The following PARD3B variants were observed in gnomAD, a reference collection of about 807,000 sequenced individuals.
PARD3B encodes the protein partitioning defective 3 homolog B.
Under a neutral mutation model 130.2 loss-of-function variants are expected in PARD3B, and 103 were observed. That is an observed-to-expected ratio of 0.79 (90% CI 0.67 to 0.93). The LOEUF (loss-of-function observed/expected upper bound fraction) is 0.93, where lower values mean the gene tolerates loss of function less well. Ranked by LOEUF, PARD3B falls within the 40% of genes least tolerant of loss-of-function variation. PARD3B has a pLI of 0.00. For synonymous variants in PARD3B, 583 were observed against 553.2 expected, an observed-to-expected ratio of 1.05 and a Z score of -0.76; for missense variants, 1,609 against 1,499.2, an observed-to-expected ratio of 1.07 and a Z score of -1.21.
intron 18 of PARD3B, among the ~76,000 whole-genome samples, chr2:205,370,356 A>G (rs1358800682): frequency 6.6e-6 from 1 of 152,242 alleles, no homozygotes; most frequent in Non-Finnish European, 1.5e-5. Flanking sequence ...ACAGAATAGG[A>G]AGGTTGTAAT....
chr2:205,388,213 C>T lies in PARD3B; in HGVS notation c.2631-12800C>T, dbSNP rs79181061. Among the ~76,000 whole-genome samples the T allele has an allele frequency of 9.8e-3, 1,491 of 152,202 alleles. 29 individuals carry two copies. Among genetic ancestry groups the T allele is most frequent in the African/African-American group, 0.033 (1,383 of 41,520 alleles). On this transcript the variant is annotated intron_variant, in intron 18 of 22. Transcript: ENST00000406610. Reference sequence around the variant, plus strand: ...ATATATACACAACAATTCCTAGCACCGGTTTCTTTTGTTATTCTGTGAGAA... The same window carrying T: ...ATATATACACAACAATTCCTAGCACTGGTTTCTTTTGTTATTCTGTGAGAA...
rs897459290 is a variant in PARD3B, at chr2:205,300,986, G to A, written c.2392+250G>A. Among the ~76,000 whole-genome samples, 28 of 152,158 alleles carry A rather than the reference G, an allele frequency of 1.8e-4. No individual in the cohort carries two copies. Among genetic ancestry groups the A allele is most frequent in the Admixed American group, 1.0e-3 (16 of 15,280 alleles). On this transcript the variant is annotated intron_variant, in intron 17 of 22. Transcript: ENST00000406610. This position sits in a 1 kb window ranked among gnomAD's most constrained non-coding sequence, Gnocchi z 4.1. The stretch of plus-strand genomic sequence containing the variant: ...ATGTTCTCCTTCACTTTTCTACAAG[G>A]ACCAACTGTCATTTACCCTTAGGGT...
At chr2:204,554,103 T>C (rs2125046730) in intron 1 of PARD3B, among the ~76,000 whole-genome samples, 1 of 152,302 alleles carries the variant, frequency 6.6e-6, no homozygotes, top group African/African-American at 2.4e-5. Flanking sequence ...TACACTCTCC[T>C]GACTTTTTTC....
At chr2:204,898,021 G>C (rs933028618) in intron 2 of PARD3B, among the ~76,000 whole-genome samples, 3 of 152,014 alleles carry the variant, frequency 2.0e-5, no homozygotes, top group Non-Finnish European at 2.9e-5. Flanking sequence ...GAAGGTGGTA[G>C]TAATGATTGG....
At chr2:204,585,061 G>C (rs1305891819) in intron 1 of PARD3B, among the ~76,000 whole-genome samples, 1 of 152,180 alleles carries the variant, frequency 6.6e-6, no homozygotes. Flanking sequence ...GACTGTGTCT[G>C]ATGGGAGCCA....
At chr2:204,571,106 A>G (rs552280396) in intron 1 of PARD3B, among the ~76,000 whole-genome samples, 1 of 152,292 alleles carries the variant, frequency 6.6e-6, no homozygotes, top group South Asian at 2.1e-4. Context: ...CTTTATTTCT[A>G]CTACTTCAGG....
intron 3 of PARD3B, among the ~76,000 whole-genome samples, chr2:205,003,590 T>C (rs1200619356): frequency 3.3e-5 from 5 of 152,206 alleles, no homozygotes; most frequent in Non-Finnish European, 7.3e-5. Context: ...CTTTACTGAA[T>C]TGTAGCCCAC....
At chr2:204,723,946 G>A (rs1225543379) in intron 2 of PARD3B, among the ~76,000 whole-genome samples, 1 of 151,952 alleles carries the variant, frequency 6.6e-6, no homozygotes, top group Non-Finnish European at 1.5e-5. Context: ...TAATAAATTT[G>A]CTGATTTGAG....
At chr2:204,922,705 A>G (rs968181968) in intron 2 of PARD3B, among the ~76,000 whole-genome samples, 2 of 152,024 alleles carry the variant, frequency 1.3e-5, no homozygotes, top group Non-Finnish European at 2.9e-5. Flanking sequence ...CTTTTAAAAT[A>G]GGACATACCT....
intron 18 of PARD3B, among the ~76,000 whole-genome samples, chr2:205,378,966 G>A (rs150978146): frequency 1.5e-3 from 227 of 151,288 alleles, no homozygotes; most frequent in African/African-American, 5.2e-3. Flanking sequence ...GAAAAGAACC[G>A]TCTGTGGCTA....
At chr2:204,790,158 C>T (rs2042151766) in intron 2 of PARD3B, among the ~76,000 whole-genome samples, 1 of 152,184 alleles carries the variant, frequency 6.6e-6, no homozygotes, top group Non-Finnish European at 1.5e-5. Context: ...GCATAAGCCA[C>T]CATGCCCAGC....
rs1575437647 is a variant in PARD3B at position 205,591,179 on chromosome 2, T to G, written c.3261-24277T>G. Among the ~76,000 whole-genome samples, 2 of 120,864 alleles carry G rather than the reference T, an allele frequency of 1.7e-5. No individual in the cohort carries two copies. Among genetic ancestry groups the G allele is most frequent in the Non-Finnish European group, 3.4e-5 (2 of 58,898 alleles). 79.3% of individuals were successfully genotyped at this position (120,864 alleles called of 152,430 possible). ...AGGAGTAGCAGTTAGACATCTAGAA[T>G]ATAACTAGGACAAGACAAAAAACTG... On this transcript the variant is annotated intron_variant, in intron 22 of 22. Transcript: ENST00000406610. The surrounding 1 kb of genome is among the most constrained non-coding windows in gnomAD (Gnocchi z 4.2).
chr2:205,040,005 C>G (rs529124717), intron 3 of PARD3B, among the ~76,000 whole-genome samples: 58 of 152,206 alleles, frequency 3.8e-4, no homozygotes, highest in African/African-American at 1.4e-3. Context: ...GCTCTGTTAC[C>G]GAGGCTGGAG....
At chr2:205,109,265 C>T (rs1184321296) in intron 5 of PARD3B, among the ~76,000 whole-genome samples, 1 of 152,206 alleles carries the variant, frequency 6.6e-6, no homozygotes, top group Non-Finnish European at 1.5e-5. Context: ...GGAGGTTTCG[C>T]TCTGTAGTCC....
intron 15 of PARD3B, among the ~76,000 whole-genome samples, chr2:205,238,122 T>C (rs539376943): frequency 3.3e-5 from 5 of 152,294 alleles, no homozygotes; most frequent in Admixed American, 2.6e-4. Flanking sequence ...TCAGCAGACA[T>C]TAATGAGTAC....
chr2:204,988,053 C>T (rs1262141724), intron 3 of PARD3B, among the ~76,000 whole-genome samples: 1 of 151,928 alleles, frequency 6.6e-6, no homozygotes, highest in Admixed American at 6.6e-5. Context: ...TGGGGGTCAT[C>T]ACATTGCAGG....
intron 2 of PARD3B, among the ~76,000 whole-genome samples, chr2:204,745,567 T>G (rs2040185681): frequency 6.6e-6 from 1 of 152,030 alleles, no homozygotes; most frequent in Non-Finnish European, 1.5e-5. Context: ...CACACCTGGC[T>G]AATCTTTGTA....
chr2:205,196,697 A>G (rs188716095), intron 15 of PARD3B, among the ~76,000 whole-genome samples: 1 of 152,276 alleles, frequency 6.6e-6, no homozygotes, highest in African/African-American at 2.4e-5. Flanking sequence ...AAATAAGCAA[A>G]TTATTAATAA....
intron 2 of PARD3B, among the ~76,000 whole-genome samples, chr2:204,706,406 G>T (rs746087352): frequency 2.6e-5 from 4 of 151,638 alleles, no homozygotes; most frequent in Non-Finnish European, 5.9e-5. Context: ...AGGGTAAGGA[G>T]AAATCCATCC....
Sources: allele counts gnomAD v4.1 joint callset (sites outside exome capture counted in the v4.1 genomes callset), GRCh38; gene constraint gnomAD v4.1.1; non-coding constraint Gnocchi (gnomAD v3.1); transcripts MANE v1.5; gene names NCBI Gene and HGNC (gene_info 2026-07-23, HGNC 2026-07-21).